The following SDK1 variants were observed in gnomAD, a reference collection of about 807,000 sequenced individuals.
The protein encoded by SDK1 is sidekick cell adhesion molecule 1.
SDK1 carries 157 observed loss-of-function variants against 245.5 expected under a neutral mutation model. The ratio of observed to expected loss-of-function variants is 0.64; its 90% CI spans 0.56 to 0.73. The LOEUF is 0.73. Among genes scored for constraint, SDK1 ranks in the 30% least tolerant of loss-of-function variants. SDK1 has a pLI of 0.00. For missense variants in SDK1, 3,583 were observed against 3,002.3 expected (o/e 1.19, Z -4.52); for synonymous variants, 1,647 against 1,278.5 (o/e 1.29, Z -6.15).
chr7:3,391,564 G>T (rs970551906), intron 1 of SDK1, among the ~76,000 whole-genome samples: 2 of 150,930 alleles, frequency 1.3e-5, no homozygotes, highest in African/African-American at 4.9e-5. Flanking sequence ...CAATTTAAAA[G>T]TATATATATG....
chr7:3,319,749 C>T lies in SDK1; in HGVS notation c.298+17865C>T, dbSNP rs577162935. On this transcript the variant is annotated intron_variant, in intron 1 of 44. Transcript: ENST00000404826. ...TTTGCCATTCCATCGTGAAAGAAATCAAAATATAGCATTTTGAAATACATT... is the reference window on the plus strand; with the variant it reads ...TTTGCCATTCCATCGTGAAAGAAATTAAAATATAGCATTTTGAAATACATT... Among the ~76,000 whole-genome samples, 150 of 152,030 alleles carry T rather than the reference C, an allele frequency of 9.9e-4. 1 individual carries two copies. The highest frequency in any genetic ancestry group is 3.6e-3 in the African/African-American group (148 of 41,444).
At chr7:3,478,882 T>C (rs1168036278) in intron 1 of SDK1, among the ~76,000 whole-genome samples, 1 of 152,214 alleles carries the variant, frequency 6.6e-6, no homozygotes, top group Non-Finnish European at 1.5e-5. Flanking sequence ...ATATATGGTG[T>C]TTTTATTATT....
rs1458239790 is a variant in SDK1, at chr7:3,348,829, T to G, written c.298+46945T>G. The stretch of plus-strand genomic sequence containing the variant: ...ATGCCTGGAACATGGCAGCAAACAG[T>G]GAATAGAGGATGACTTTTGCTTTTA... On this transcript the variant is annotated intron_variant, in intron 1 of 44. Coordinates refer to ENST00000404826, the MANE Select transcript of SDK1 (RefSeq NM_152744.4). Among the ~76,000 whole-genome samples, 2 of 152,006 alleles carry G rather than the reference T, an allele frequency of 1.3e-5. 1 individual carries two copies. Among genetic ancestry groups the G allele is most frequent in the Non-Finnish European group, 2.9e-5 (2 of 67,990 alleles).
intron 1 of SDK1, among the ~76,000 whole-genome samples, chr7:3,428,941 G>C (rs1249072306): frequency 1.3e-5 from 2 of 152,242 alleles, no homozygotes; most frequent in Non-Finnish European, 2.9e-5. Flanking sequence ...ATCAGCAGCA[G>C]TGGGTAGGGA....
intron 14 of SDK1, among the ~76,000 whole-genome samples, chr7:3,988,059 A>G (rs1233888472): frequency 6.6e-6 from 1 of 151,492 alleles, no homozygotes; most frequent in Non-Finnish European, 1.5e-5. Flanking sequence ...GGGCCCAGCA[A>G]CTTGACATCT....
At chr7:4,208,018 G>T in intron 36 of SDK1, 81 bp from the exon 37 acceptor site, 1 of 1,063,100 alleles carries the variant, frequency 9.4e-7, no homozygotes. Flanking sequence ...TCACCCCCTC[G>T]CTTTGACCTT....
At chr7:4,088,430 A>G (rs953324263) in intron 22 of SDK1, among the ~76,000 whole-genome samples, 1 of 152,186 alleles carries the variant, frequency 6.6e-6, no homozygotes, top group African/African-American at 2.4e-5. Flanking sequence ...CACTCTAAAG[A>G]AATTATTGTA....
intron 4 of SDK1, among the ~76,000 whole-genome samples, chr7:3,704,503 T>C (rs1466756245): frequency 2.0e-5 from 3 of 152,154 alleles, no homozygotes; most frequent in Non-Finnish European, 4.4e-5. Context: ...GAAATGTCTA[T>C]TTATGTCCTT....
At chr7:4,171,368 C>T (rs1028102723) in intron 32 of SDK1, among the ~76,000 whole-genome samples, 6 of 152,336 alleles carry the variant, frequency 3.9e-5, no homozygotes, top group Middle Eastern at 3.4e-3. Context: ...AGGCAAGCAG[C>T]GCCGGGGAGG....
chr7:3,768,275 T>A (rs1364601335), intron 4 of SDK1, among the ~76,000 whole-genome samples: 1 of 152,212 alleles, frequency 6.6e-6, no homozygotes, highest in Non-Finnish European at 1.5e-5. Flanking sequence ...CTTTGAAGGA[T>A]GTGCAAGAGC....
At chr7:3,584,367 C>T (rs868373547) in intron 1 of SDK1, among the ~76,000 whole-genome samples, 1 of 152,150 alleles carries the variant, frequency 6.6e-6, no homozygotes, top group Non-Finnish European at 1.5e-5. Context: ...AACCCCATCC[C>T]TTCAAGCCCC....
At position 3,962,677 on chromosome 7, in the gene SDK1, C is replaced by G. The variant is rs150503747; in HGVS notation, c.1255C>G (p.Gln419Glu). 0.012 allele frequency: 19,171 copies of G among 1,612,602 alleles called. 173 individuals are homozygous for G. The highest frequency in any genetic ancestry group is 0.028 in the Admixed American group (1,698 of 59,792). ...QAMGVPLPTLQWYKDAISISR... is the reference protein window; with the variant it reads ...QAMGVPLPTLEWYKDAISISR... ...CGCAGGGGTCCCCCTTCCCACCCTCCAGTGGTACAAGGATGCCATCTCCAT... is the reference window on the plus strand; with the variant it reads ...CGCAGGGGTCCCCCTTCCCACCCTCGAGTGGTACAAGGATGCCATCTCCAT... The change falls in exon 9 of 45, where the codon CAG (glutamine) becomes GAG (glutamate). Residue 419 changes from glutamine to glutamate, a missense_variant. Transcript: ENST00000404826.
chr7:4,036,266 A>G (rs910124837), intron 17 of SDK1, among the ~76,000 whole-genome samples: 4 of 152,226 alleles, frequency 2.6e-5, no homozygotes, highest in Non-Finnish European at 5.9e-5. Context: ...AAATTATACT[A>G]TAAGGGTACA....
At chr7:4,006,144 T>G (rs936875103) in intron 14 of SDK1, among the ~76,000 whole-genome samples, 5 of 152,248 alleles carry the variant, frequency 3.3e-5, no homozygotes, top group African/African-American at 1.2e-4. Flanking sequence ...AAACTGATAA[T>G]GCTCTTTTTT....
chr7:4,168,590 C>G (rs906073017), intron 32 of SDK1, among the ~76,000 whole-genome samples: 1 of 152,312 alleles, frequency 6.6e-6, no homozygotes, highest in South Asian at 2.1e-4. Context: ...TTCGTCACGC[C>G]ACCTGAGCTT....
At chr7:3,504,045 G>A (rs1040702298) in intron 1 of SDK1, among the ~76,000 whole-genome samples, 28 of 151,788 alleles carry the variant, frequency 1.8e-4, no homozygotes, top group Non-Finnish European at 3.7e-4. Flanking sequence ...AGCTACTCGG[G>A]AGGCTGAGGC....
intron 32 of SDK1, among the ~76,000 whole-genome samples, 166 bp from the exon 33 acceptor site, chr7:4,174,056 C>A (rs946623431): frequency 7.9e-5 from 12 of 152,188 alleles, no homozygotes; most frequent in Non-Finnish European, 1.6e-4. Context: ...GGTGCTGTGC[C>A]CTGGGAGCTG....
chr7:4,254,943 A>G (rs931249773), intron 44 of SDK1, among the ~76,000 whole-genome samples: 27 of 152,292 alleles, frequency 1.8e-4, no homozygotes, highest in Non-Finnish European at 2.2e-4. Context: ...ATGGTTTACC[A>G]TGATTGGCGT....
chr7:3,640,765 C>T (rs964058089), intron 3 of SDK1, among the ~76,000 whole-genome samples: 3 of 151,958 alleles, frequency 2.0e-5, no homozygotes, highest in East Asian at 1.9e-4. Flanking sequence ...CTCACCGCAA[C>T]CTCCGCCTCC....
Sources: gnomAD v4.1 joint callset for allele counts (sites outside exome capture counted in the v4.1 genomes callset) on GRCh38, gnomAD v4.1.1 for gene constraint, MANE v1.5 for transcripts, NCBI Gene and HGNC (gene_info 2026-07-23, HGNC 2026-07-21) for gene names.